CALCR: variants seen among roughly 807,000 people sequenced by gnomAD.
The protein encoded by CALCR is calcitonin receptor.
Under a neutral mutation model 59.5 loss-of-function variants are expected in CALCR, and 47 were observed. The ratio of observed to expected loss-of-function variants is 0.79; its 90% confidence interval spans 0.63 to 1.01. The LOEUF (loss-of-function observed/expected upper bound fraction) is 1.01, where lower values mean the gene tolerates loss of function less well. CALCR is among the 50% of genes least tolerant of loss of function. The pLI is 0.00. For missense variants in CALCR, 566 were observed against 597.1 expected (o/e 0.95, Z 0.54); for synonymous variants, 213 against 211.3 (o/e 1.01, Z -0.07).
At chr7:93,468,178 T>C (rs942244972) in intron 7 of CALCR, among the ~76,000 whole-genome samples, 13 of 151,828 alleles carry the variant, frequency 8.6e-5, no homozygotes, top group African/African-American at 2.4e-4. Flanking sequence ...TTTTCTCATA[T>C]TTTGCTTTCA....
intron 5 of CALCR, among the ~76,000 whole-genome samples, chr7:93,476,002 G>A (rs1584565688): frequency 6.6e-6 from 1 of 151,816 alleles, no homozygotes; most frequent in Admixed American, 6.6e-5. Context: ...ACTACTTGCA[G>A]ATTCCGAGGT....
chr7:93,538,892 T>C (rs1789058055), intron 2 of CALCR, among the ~76,000 whole-genome samples: 1 of 152,122 alleles, frequency 6.6e-6, no homozygotes, highest in African/African-American at 2.4e-5. Flanking sequence ...ATCTAGAATC[T>C]GTATTTTAAC....
In CALCR at chr7:93,428,967, C is replaced by G. The variant is rs549950019; in HGVS notation, c.1192-2378G>C. ...TGAAAAAGAGGTCTTTTATTTCTCA[C>G]CTGTCCTTTTAAAATAACTCCCATA... On this transcript the variant is annotated intron_variant, in intron 13 of 13. Coordinates refer to ENST00000426151, the MANE Select transcript of CALCR (RefSeq NM_001742.4). Among the ~76,000 whole-genome samples the G allele has an allele frequency of 1.3e-5, 2 of 152,152 alleles. 1 individual carries two copies. The highest frequency in any genetic ancestry group is 4.1e-4 in the South Asian group (2 of 4,828).
intron 2 of CALCR, among the ~76,000 whole-genome samples, chr7:93,552,465 G>A (rs1209845380): frequency 1.3e-5 from 2 of 152,026 alleles, no homozygotes; most frequent in Non-Finnish European, 2.9e-5. Context: ...AAATGAATGG[G>A]CCTACAAATA....
chr7:93,460,743 A>G, intron 8 of CALCR, 78 bp downstream of exon 8: 1 of 1,117,400 alleles, frequency 8.9e-7, no homozygotes, highest in East Asian at 2.7e-5. Flanking sequence ...CTTAAGTCCA[A>G]CATGAACACC....
At chr7:93,460,474 T>G (rs980332311) in intron 8 of CALCR, among the ~76,000 whole-genome samples, 1 of 149,100 alleles carries the variant, frequency 6.7e-6, no homozygotes, top group African/African-American at 2.5e-5. Context: ...GAGAATTGCT[T>G]GAACCCGGGA....
chr7:93,441,459 C>A (rs1187437871), intron 9 of CALCR: 6 of 441,858 alleles, frequency 1.4e-5, no homozygotes, highest in Non-Finnish European at 2.7e-5. Context: ...TTAGCATGAC[C>A]AGATTTGGAA....
At chr7:93,548,503 T>C (rs1482592070) in intron 2 of CALCR, among the ~76,000 whole-genome samples, 1 of 152,162 alleles carries the variant, frequency 6.6e-6, no homozygotes, top group East Asian at 1.9e-4. Context: ...GGGAAATAAC[T>C]ATAATAAAAC....
At chr7:93,567,865 G>T (rs1172049353) in intron 2 of CALCR, among the ~76,000 whole-genome samples, 1 of 152,062 alleles carries the variant, frequency 6.6e-6, no homozygotes, top group African/African-American at 2.4e-5. Context: ...CAAAGGACAT[G>T]AACTCATCCT....
At chr7:93,522,099 C>A in intron 2 of CALCR, among the ~76,000 whole-genome samples, 1 of 151,890 alleles carries the variant, frequency 6.6e-6, no homozygotes, top group Admixed American at 6.6e-5. Flanking sequence ...AGTGTCTGAG[C>A]GGGGATTTAT....
At chr7:93,561,403 C>A (rs1374169188) in intron 2 of CALCR, among the ~76,000 whole-genome samples, 1 of 151,988 alleles carries the variant, frequency 6.6e-6, no homozygotes, top group African/African-American at 2.4e-5. Flanking sequence ...GCTTTGGGTA[C>A]CACCCTTCAT....
At chr7:93,542,630 T>C (rs898063651) in intron 2 of CALCR, among the ~76,000 whole-genome samples, 3 of 152,170 alleles carry the variant, frequency 2.0e-5, no homozygotes, top group African/African-American at 4.8e-5. Context: ...AGCTTTTAAA[T>C]CTTTTGAACT....
intron 2 of CALCR, among the ~76,000 whole-genome samples, chr7:93,562,743 T>C (rs541241564): frequency 6.6e-6 from 1 of 152,324 alleles, no homozygotes; most frequent in East Asian, 1.9e-4. Flanking sequence ...TCAGCCTGCA[T>C]TACTATAATC....
At chr7:93,441,189 C>T (rs1156880349) in intron 9 of CALCR, among the ~76,000 whole-genome samples, 3 of 152,164 alleles carry the variant, frequency 2.0e-5, no homozygotes, top group African/African-American at 7.2e-5. Context: ...AATACATTTA[C>T]AGCCTTTTTT....
chr7:93,458,505 C>A (rs1053680752), intron 8 of CALCR, among the ~76,000 whole-genome samples: 3 of 152,170 alleles, frequency 2.0e-5, no homozygotes, highest in Non-Finnish European at 2.9e-5. Flanking sequence ...CCTGGGCCCA[C>A]AGAAATAAAT....
intron 2 of CALCR, among the ~76,000 whole-genome samples, chr7:93,550,288 G>A (rs1009566445): frequency 7.3e-5 from 11 of 151,702 alleles, no homozygotes; most frequent in Non-Finnish European, 1.0e-4. Flanking sequence ...TCAGGAGTTC[G>A]AGAGCAGCCT....
chr7:93,536,048 T>C (rs949510976), intron 2 of CALCR, among the ~76,000 whole-genome samples: 1 of 151,890 alleles, frequency 6.6e-6, no homozygotes, highest in African/African-American at 2.4e-5. Flanking sequence ...TCTATACTAG[T>C]GTAGATAATG....
chr7:93,464,700 T>A (rs1340291844), intron 7 of CALCR, among the ~76,000 whole-genome samples: 5 of 151,998 alleles, frequency 3.3e-5, no homozygotes, highest in African/African-American at 1.2e-4. Context: ...GTGAAGAATA[T>A]GCCGTGGTAT....
At chr7:93,521,197 G>T (rs1004498791) in intron 2 of CALCR, among the ~76,000 whole-genome samples, 1 of 152,110 alleles carries the variant, frequency 6.6e-6, no homozygotes, top group African/African-American at 2.4e-5. Flanking sequence ...AGTTCCAACT[G>T]ATTGATTTGT....
Sources: allele counts gnomAD v4.1 joint callset (sites outside exome capture counted in the v4.1 genomes callset), GRCh38; gene constraint gnomAD v4.1.1; transcripts MANE v1.5; gene names NCBI Gene and HGNC (gene_info 2026-07-23, HGNC 2026-07-21).